The following PPIP5K2 variants were observed in gnomAD, a reference collection of about 807,000 sequenced individuals.
PPIP5K2 encodes the protein diphosphoinositol pentakisphosphate kinase 2.
PPIP5K2 carries 105 observed loss-of-function variants against 154.6 expected under a neutral mutation model. The observed-to-expected ratio is 0.68, with a 90% confidence interval of 0.58 to 0.80. The LOEUF is 0.80. Ranked by LOEUF, PPIP5K2 falls within the 30% of genes least tolerant of loss-of-function variation. The pLI, the probability that PPIP5K2 is intolerant of heterozygous loss-of-function variation, is 0.00. For synonymous variants in PPIP5K2, 480 were observed against 490.3 expected (o/e 0.98, Z 0.28); for missense variants, 992 against 1,504.6 (o/e 0.66, Z 5.64).
chr5:103,130,806 T>C (rs1008172346), intron 2 of PPIP5K2, among the ~76,000 whole-genome samples: 5 of 152,156 alleles, frequency 3.3e-5, no homozygotes, highest in African/African-American at 1.2e-4. Context: ...TTGTCCCCTT[T>C]TTCTAGAGTT....
intron 17 of PPIP5K2, among the ~76,000 whole-genome samples, chr5:103,164,256 T>G (rs1203593957): frequency 6.6e-6 from 1 of 151,972 alleles, no homozygotes; most frequent in African/African-American, 2.4e-5. Flanking sequence ...CCTTTTCTTC[T>G]TGATCAGTTT....
At position 103,207,181 on chromosome 5, in the gene PPIP5K2, T is replaced by A. The variant is rs1554232331; in HGVS notation, c.*5547T>A. On this transcript the variant is annotated 3_prime_UTR_variant, in exon 31 of 31. Transcript: ENST00000358359. ...GGGCACCTTTCCCCTACAAAGCCTGTCAGGCAAAGCCTTTGTAATTGCTTA... is the reference window on the plus strand; with the variant it reads ...GGGCACCTTTCCCCTACAAAGCCTGACAGGCAAAGCCTTTGTAATTGCTTA... The A allele has an allele frequency of 1.3e-5, 2 of 152,278 alleles. No individual in the cohort carries two copies. The highest frequency in any genetic ancestry group is 4.8e-5 in the African/African-American group (2 of 41,470). The allele number at this position is 152,278 out of a possible 1,614,324, so 9.4% of individuals were successfully genotyped here.
chr5:103,152,522 G>C, intron 9 of PPIP5K2, 126 bp from the exon 10 acceptor site: 1 of 578,742 alleles, frequency 1.7e-6, no homozygotes, highest in Non-Finnish European at 3.0e-6. Context: ...TGGATTCTGT[G>C]GGTTATCTTT....
chr5:103,194,399 C>G (rs1284622154), intron 29 of PPIP5K2, among the ~76,000 whole-genome samples: 1 of 152,144 alleles, frequency 6.6e-6, no homozygotes, highest in African/African-American at 2.4e-5. Flanking sequence ...AGCGATCCTC[C>G]TGCCTTGCCT....
intron 28 of PPIP5K2, among the ~76,000 whole-genome samples, chr5:103,189,445 GAAGAA>G (rs1308794879): frequency 1.3e-5 from 2 of 151,704 alleles, no homozygotes; most frequent in African/African-American, 2.4e-5. Context: ...TGTGAGGAAA[GAAGAA>G]AAGATCTCAT....
At chr5:103,149,417 A>G in intron 8 of PPIP5K2, 104 bp downstream of exon 8, 3 of 1,075,798 alleles carry the variant, frequency 2.8e-6, no homozygotes, top group South Asian at 1.9e-5. Context: ...TAAACCGAGA[A>G]AGTAATTAAT....
rs1451188308 is a variant in PPIP5K2 at position 103,202,081 on chromosome 5, A to C, written c.*447A>C. 3.2e-5 allele frequency: 5 copies of C among 153,932 alleles called. No individual in the cohort carries two copies. The highest frequency in any genetic ancestry group is 1.2e-4 in the African/African-American group (5 of 41,586). 9.5% of individuals were successfully genotyped at this position (153,932 alleles called of 1,614,324 possible). ...GGACTTTTAAAGTGTCTTTCCAAAGAGATTTCATTAACCGTTTAGATTAGA... is the reference window on the plus strand; with the variant it reads ...GGACTTTTAAAGTGTCTTTCCAAAGCGATTTCATTAACCGTTTAGATTAGA... On this transcript the variant is annotated 3_prime_UTR_variant, in exon 31 of 31. Transcript: ENST00000358359.
Position 103,196,191 on chromosome 5 carries a change from G to A in PPIP5K2, c.3619+1166G>A, listed in dbSNP as rs139000659. 1.6e-3 allele frequency among the ~76,000 whole-genome samples: 240 copies of A among 151,896 alleles called. 3 individuals are homozygous for A. In the East Asian group the frequency reaches 0.038, roughly 24 times the overall value. On this transcript the variant is annotated intron_variant, in intron 30 of 30. Coordinates refer to ENST00000358359, the MANE Select transcript of PPIP5K2 (RefSeq NM_001276277.3). ...TAAAATGTTTTCCCTTTTACCTCAC[G>A]TCCTTGAAGACTCAACCCAACCTCT...
chr5:103,200,811 GT>G (rs1802862055), intron 30 of PPIP5K2, among the ~76,000 whole-genome samples: 1 of 151,766 alleles, frequency 6.6e-6, no homozygotes, highest in African/African-American at 2.4e-5. Flanking sequence ...AATTTTTAAA[GT>G]TTTTTGTAGA....
intron 2 of PPIP5K2, among the ~76,000 whole-genome samples, chr5:103,130,722 A>C (rs1295009442): frequency 6.6e-6 from 1 of 152,124 alleles, no homozygotes; most frequent in East Asian, 1.9e-4. Flanking sequence ...GAAGTCCTAT[A>C]AGTAAAACAT....
chr5:103,195,685 CCTT>C (rs1207868709), intron 30 of PPIP5K2, among the ~76,000 whole-genome samples: 1 of 152,116 alleles, frequency 6.6e-6, no homozygotes, highest in African/African-American at 2.4e-5. Context: ...GTTTGATCAT[CCTT>C]CTTCTTTCTA....
chr5:103,138,363 G>T (rs782466870), intron 4 of PPIP5K2, 21 bp from the exon 5 acceptor site: 1 of 1,376,994 alleles, frequency 7.3e-7, no homozygotes, highest in South Asian at 1.3e-5. Flanking sequence ...AAACAATAAG[G>T]ATGTTTCCCT....
chr5:103,153,707 A>G (rs1295374661), intron 10 of PPIP5K2, 141 bp from the exon 11 acceptor site: 17 of 513,408 alleles, frequency 3.3e-5, no homozygotes, highest in African/African-American at 1.6e-4. Flanking sequence ...CTAGATTGTT[A>G]TAAGTATTAT....
At chr5:103,129,776 T>G in intron 2 of PPIP5K2, 73 bp downstream of exon 2, 1 of 1,396,526 alleles carries the variant, frequency 7.2e-7, no homozygotes, top group Non-Finnish European at 9.3e-7. Context: ...ACTGTTAGTC[T>G]TTTTTTGTTG....
intron 17 of PPIP5K2, among the ~76,000 whole-genome samples, chr5:103,165,189 A>G (rs1033048013): frequency 1.3e-5 from 2 of 152,142 alleles, no homozygotes; most frequent in Non-Finnish European, 2.9e-5. Context: ...TTGATAAGAC[A>G]GCTAAGGTTT....
chr5:103,160,894 A>G (rs1554215433), intron 17 of PPIP5K2, among the ~76,000 whole-genome samples: 1 of 150,380 alleles, frequency 6.6e-6, no homozygotes, highest in Admixed American at 6.6e-5. Context: ...ACCATGGTAT[A>G]CTTATTTACA....
chr5:103,136,728 T>C lies in PPIP5K2; in HGVS notation c.311-4T>C, dbSNP rs1791571046. 1 of 1,608,004 alleles carries C rather than the reference T, an allele frequency of 6.2e-7. No homozygotes were observed. The highest frequency in any genetic ancestry group is 1.7e-5 in the Admixed American group (1 of 59,996). On this transcript the variant is annotated splice_region_variant and splice_polypyrimidine_tract_variant and intron_variant, in intron 3 of 30. Transcript: ENST00000358359. ...CAGAATATGTTAATAATATGTGTTCTTAGGATTTCCACTGGACAAAGCGGT... is the reference window on the plus strand; with the variant it reads ...CAGAATATGTTAATAATATGTGTTCCTAGGATTTCCACTGGACAAAGCGGT...
chr5:103,149,345 T>C (rs1554210496), intron 8 of PPIP5K2, 32 bp downstream of exon 8: 3 of 1,549,962 alleles, frequency 1.9e-6, no homozygotes, highest in Non-Finnish European at 2.6e-6. Flanking sequence ...TAGATCCTTA[T>C]AAAGGTAAAT....
chr5:103,198,881 T>A (rs1554229391), intron 30 of PPIP5K2, among the ~76,000 whole-genome samples: 1 of 152,134 alleles, frequency 6.6e-6, no homozygotes, highest in Non-Finnish European at 1.5e-5. Context: ...CTCTACCTCA[T>A]TTTGTACTAA....
Sources: allele counts gnomAD v4.1 joint callset (sites outside exome capture counted in the v4.1 genomes callset), GRCh38; gene constraint gnomAD v4.1.1; transcripts MANE v1.5; gene names NCBI Gene and HGNC (gene_info 2026-07-23, HGNC 2026-07-21).